DPYSL3: variants seen among roughly 807,000 people sequenced by gnomAD.
DPYSL3 encodes dihydropyrimidinase-related protein 3.
In DPYSL3, 16 loss-of-function variants were observed where a neutral mutation model predicts 66.1. The ratio of observed to expected loss-of-function variants is 0.24; its 90% confidence interval spans 0.16 to 0.37. The LOEUF is 0.37. Ranked by LOEUF, DPYSL3 falls within the 10% of genes least tolerant of loss-of-function variation. The pLI, the probability that DPYSL3 is intolerant of heterozygous loss-of-function variation, is 1.00. For missense variants in DPYSL3, 738 were observed against 916.2 expected (o/e 0.81, Z 2.51); for synonymous variants, 338 against 345.1 (o/e 0.98, Z 0.23).
intron 1 of DPYSL3, among the ~76,000 whole-genome samples, chr5:147,461,203 T>C (rs1752926020): frequency 6.6e-6 from 1 of 152,136 alleles, no homozygotes; most frequent in African/African-American, 2.4e-5. Context: ...AGTAAAGGAA[T>C]AAGCAACATG....
chr5:147,504,379 A>G (rs1036067914), intron 1 of DPYSL3, among the ~76,000 whole-genome samples: 1 of 152,206 alleles, frequency 6.6e-6, no homozygotes. Context: ...GGTCACAAAC[A>G]CTTCCAAGTT....
At chr5:147,506,415 T>C (rs1436553999) in intron 1 of DPYSL3, among the ~76,000 whole-genome samples, 1 of 152,164 alleles carries the variant, frequency 6.6e-6, no homozygotes, top group East Asian at 1.9e-4. Context: ...TAGATGCATA[T>C]GTTCCGTAAA....
At chr5:147,397,638 A>G in intron 12 of DPYSL3, 28 bp downstream of exon 12, 1 of 1,602,706 alleles carries the variant, frequency 6.2e-7, no homozygotes. Flanking sequence ...AAGCTCCTGC[A>G]CCACCTCAGA....
At chr5:147,400,001 A>C (rs1431462115) in intron 10 of DPYSL3, among the ~76,000 whole-genome samples, 1 of 152,230 alleles carries the variant, frequency 6.6e-6, no homozygotes, top group Non-Finnish European at 1.5e-5. Flanking sequence ...AAACTCAGTG[A>C]AATTACACTG....
rs2152012916 is a variant in DPYSL3 at position 147,392,924 on chromosome 5, T to C, written c.*1111A>G. ...TTTCATATAAGCTGAGATGACCTAT[T>C]ACGGTAAAAATTAGGGAACACCTAA... On this transcript the variant is annotated 3_prime_UTR_variant, in exon 14 of 14. Coordinates refer to ENST00000343218, the MANE Select transcript of DPYSL3 (RefSeq NM_001197294.2). 2 of 152,330 alleles carry C rather than the reference T, an allele frequency of 1.3e-5. No homozygotes were observed. Among genetic ancestry groups the C allele is most frequent in the South Asian group, 4.1e-4 (2 of 4,826 alleles). The allele number at this position is 152,330 out of a possible 1,614,324, so 9.4% of individuals were successfully genotyped here. A position where few individuals can be genotyped will look rare whatever the true frequency, so the allele number is the denominator to read the frequency against.
At chr5:147,457,204 T>A (rs1184684586) in intron 1 of DPYSL3, among the ~76,000 whole-genome samples, 3 of 152,200 alleles carry the variant, frequency 2.0e-5, no homozygotes, top group Non-Finnish European at 4.4e-5. Flanking sequence ...CATATCCTTA[T>A]TACACCACCT....
intron 1 of DPYSL3, among the ~76,000 whole-genome samples, chr5:147,469,882 G>A (rs1336715794): frequency 6.6e-6 from 1 of 152,160 alleles, no homozygotes; most frequent in Non-Finnish European, 1.5e-5. Context: ...CAATACAGTG[G>A]CCCCTTTGGT....
Position 147,509,437 on chromosome 5 carries a change from G to A in DPYSL3, c.381+41C>T. ...GCCATGGCGGCCAGGGCTGGAGAAA[G>A]GAACGAAGGCAAGGAGGGAAGTGAC... On this transcript the variant is annotated intron_variant, in intron 1 of 13. Coordinates refer to ENST00000343218, the MANE Select transcript of DPYSL3 (RefSeq NM_001197294.2). The surrounding 1 kb of genome is among the most constrained non-coding windows in gnomAD (Gnocchi z 5.3). The A allele has an allele frequency of 6.8e-7, 1 of 1,463,142 alleles. No individual in the cohort carries two copies. Among genetic ancestry groups the A allele is most frequent in the South Asian group, 1.4e-5 (1 of 71,434 alleles). The allele number at this position is 1,463,142 out of a possible 1,614,324, so 90.6% of individuals were successfully genotyped here.
Position 147,418,685 on chromosome 5 carries a change from C to T in DPYSL3, c.471-54G>A, listed in dbSNP as rs970853329. On this transcript the variant is annotated intron_variant, in intron 2 of 13. Transcript: ENST00000343218. ...TCAAACACTTGGTCATTTAAAAGTG[C>T]AATTTCCAAGACAAATATAGTGGTA... 3.4e-6 allele frequency: 5 copies of T among 1,484,378 alleles called. No homozygotes were observed. In the African/African-American group the frequency reaches 7.0e-5, roughly 21 times the overall value. 92.0% of individuals were successfully genotyped at this position (1,484,378 alleles called of 1,614,324 possible).
intron 1 of DPYSL3, among the ~76,000 whole-genome samples, chr5:147,470,397 G>T (rs1753069175): frequency 6.6e-6 from 1 of 151,968 alleles, no homozygotes; most frequent in Non-Finnish European, 1.5e-5. Flanking sequence ...CCTTCACCTG[G>T]TCATCTTCAC....
chr5:147,489,310 G>T (rs1031000551), intron 1 of DPYSL3, among the ~76,000 whole-genome samples: 1 of 152,094 alleles, frequency 6.6e-6, no homozygotes, highest in Non-Finnish European at 1.5e-5. Flanking sequence ...CCAGCTCCAG[G>T]TGTTGGATCC....
intron 2 of DPYSL3, among the ~76,000 whole-genome samples, chr5:147,418,848 C>T (rs182776390): frequency 9.2e-5 from 14 of 152,262 alleles, no homozygotes; most frequent in Admixed American, 9.2e-4. Flanking sequence ...ATATGCCATT[C>T]GGTGGGACCA....
At chr5:147,420,166 T>C (rs1328089557) in intron 2 of DPYSL3, among the ~76,000 whole-genome samples, 2 of 152,292 alleles carry the variant, frequency 1.3e-5, no homozygotes, top group African/African-American at 4.8e-5. Context: ...GGATTCACAA[T>C]CCTGGCTCTG....
At chr5:147,414,665 G>A (rs932440597) in intron 4 of DPYSL3, among the ~76,000 whole-genome samples, 1 of 152,152 alleles carries the variant, frequency 6.6e-6, no homozygotes, top group African/African-American at 2.4e-5. Flanking sequence ...TTTCTACGCC[G>A]GTTGAGATGC....
At chr5:147,449,176 T>G (rs1391200246) in intron 1 of DPYSL3, among the ~76,000 whole-genome samples, 8 of 152,134 alleles carry the variant, frequency 5.3e-5, no homozygotes, top group Admixed American at 5.2e-4. Context: ...TCTAGTCTAG[T>G]TCTAGGCCCC....
At chr5:147,412,517 C>T in intron 6 of DPYSL3, 91 bp downstream of exon 6, 1 of 1,289,570 alleles carries the variant, frequency 7.8e-7, no homozygotes, top group Non-Finnish European at 1.1e-6. Flanking sequence ...TGGTGCCTTG[C>T]ACATATTGAG....
chr5:147,422,896 A>G (rs1303085971), intron 2 of DPYSL3, among the ~76,000 whole-genome samples: 1 of 152,132 alleles, frequency 6.6e-6, no homozygotes, highest in Non-Finnish European at 1.5e-5. Context: ...AGAAATACCT[A>G]ATGTAGATGA....
chr5:147,489,839 G>T lies in DPYSL3; in HGVS notation c.381+19639C>A, dbSNP rs189071240. Among the ~76,000 whole-genome samples the T allele has an allele frequency of 8.6e-5, 13 of 151,828 alleles. No individual in the cohort carries two copies. In the East Asian group the frequency reaches 2.5e-3, roughly 29 times the overall value. On this transcript the variant is annotated intron_variant, in intron 1 of 13. Coordinates refer to ENST00000343218, the MANE Select transcript of DPYSL3 (RefSeq NM_001197294.2). ...GTGAAAGGAGGGTGAGGGCTGAAAA[G>T]TTACCGATGGATACAATTTTCATTA...
chr5:147,453,000 G>T (rs1322779902), intron 1 of DPYSL3, among the ~76,000 whole-genome samples: 2 of 151,938 alleles, frequency 1.3e-5, no homozygotes, highest in African/African-American at 2.4e-5. Flanking sequence ...ACATGAGTCG[G>T]ACTGAACGCA....
Sources: gnomAD v4.1 joint callset for allele counts (sites outside exome capture counted in the v4.1 genomes callset) on GRCh38, gnomAD v4.1.1 for gene constraint, Gnocchi (gnomAD v3.1) non-coding constraint, MANE v1.5 for transcripts, NCBI Gene and HGNC (gene_info 2026-07-23, HGNC 2026-07-21) for gene names.